SH2B1: variants seen among roughly 807,000 people sequenced by gnomAD.
SH2B1 encodes SH2B adapter protein 1.
A neutral mutation model predicts 62.6 loss-of-function variants in SH2B1; 15 were observed. That is an observed-to-expected ratio of 0.24 (90% CI 0.16 to 0.37). The LOEUF is 0.37. Among genes scored for constraint, SH2B1 ranks in the 10% least tolerant of loss-of-function variants. SH2B1 has a pLI of 1.00. For synonymous variants in SH2B1, 443 were observed against 438.0 expected, an observed-to-expected ratio of 1.01 and a Z score of -0.14; for missense variants, 925 against 1,015.6, an observed-to-expected ratio of 0.91 and a Z score of 1.21.
rs754555896 is a variant in SH2B1 at position 28,868,757 on chromosome 16, C to T, written c.1042-249C>T. Among the ~76,000 whole-genome samples, 5 of 152,000 alleles carry T rather than the reference C, an allele frequency of 3.3e-5. No homozygotes were observed. In the South Asian group the frequency reaches 6.2e-4, roughly 19 times the overall value. ...AGGTGTGAGCCATCGTACCCGGCCT[C>T]GCCTTATTTTATTTTTCAATTTTTT... On this transcript the variant is annotated intron_variant, in intron 2 of 7. Transcript: ENST00000684370.
In SH2B1 at chr16:28,863,980, C is replaced by T. The variant is rs1962544832; in HGVS notation, c.-2115C>T. The T allele has an allele frequency of 7.0e-7, 1 of 1,428,242 alleles. No homozygotes were observed. Among genetic ancestry groups the T allele is most frequent in the African/African-American group, 1.4e-5 (1 of 69,084 alleles). The allele number at this position is 1,428,242 out of a possible 1,614,324, so 88.5% of individuals were successfully genotyped here. A position where few individuals can be genotyped will look rare whatever the true frequency, so the allele number is the denominator to read the frequency against. On this transcript the variant is annotated 5_prime_UTR_variant, in exon 1 of 8. Coordinates refer to ENST00000684370, the MANE Select transcript of SH2B1 (RefSeq NM_001387430.1). ...GAACCGGAACCCCCCTCTTCAAGTA[C>T]CTTTTCCCTCTCCGCGACCCGGCCC...
At position 28,873,722 on chromosome 16, in the gene SH2B1, G is replaced by T; in HGVS notation, c.2173G>T (p.Val725Leu). ...QGAGSGGDAG[V>L]PPMVQLQQSP... Reference sequence around the variant, plus strand: ...CGCTGGGTCTGGTGGGGACGCGGGGGTGCCCCCAATGGTGCAGCTGCAGCA... The same window carrying T: ...CGCTGGGTCTGGTGGGGACGCGGGGTTGCCCCCAATGGTGCAGCTGCAGCA... Residue 725 changes from valine to leucine, a missense_variant, in exon 8 of 8, where the codon GTG becomes TTG. By Grantham distance (32) the Val-to-Leu change is conservative (BLOSUM62 1). Coordinates refer to ENST00000684370, the MANE Select transcript of SH2B1 (RefSeq NM_001387430.1). This position sits in a 1 kb window ranked among gnomAD's most constrained non-coding sequence, Gnocchi z 4.2. 1 of 1,497,212 alleles carries T rather than the reference G, an allele frequency of 6.7e-7. No individual in the cohort carries two copies. Among genetic ancestry groups the T allele is most frequent in the Non-Finnish European group, 8.9e-7 (1 of 1,121,834 alleles). 92.7% of individuals were successfully genotyped at this position (1,497,212 alleles called of 1,614,324 possible). A position where few individuals can be genotyped will look rare whatever the true frequency, so the allele number is the denominator to read the frequency against.
In SH2B1 at chr16:28,866,593, C is replaced by T. The variant is rs763577217; in HGVS notation, c.499C>T (p.Arg167Cys). The T allele has an allele frequency of 1.4e-5, 22 of 1,613,922 alleles. No homozygotes were observed. The highest frequency in any genetic ancestry group is 1.7e-5 in the Non-Finnish European group (20 of 1,180,022). The change falls in exon 1 of 8, where the codon CGT (arginine) becomes TGT (cysteine). Residue 167 changes from arginine to cysteine, a missense_variant. Physicochemically the swap from Arg to Cys is radical, Grantham distance 180. Around this residue, in one of 3 missense-constraint regions of SH2B1, gnomAD observed 683 missense variants for 704.0 expected, o/e 0.97. Coordinates refer to ENST00000684370, the MANE Select transcript of SH2B1 (RefSeq NM_001387430.1). This position sits in a 1 kb window ranked among gnomAD's most constrained non-coding sequence, Gnocchi z 6.3. The stretch of plus-strand genomic sequence containing the variant: ...GGGTCGCTCTGTCCGAGGCTCAGTC[C>T]GTGGCATCCTGCAGTGGCGGGGGAC... ...SVGRSVRGSVRGILQWRGTVD... is the reference protein window; with the variant it reads ...SVGRSVRGSVCGILQWRGTVD...
intron 1 of SH2B1, among the ~76,000 whole-genome samples, chr16:28,847,218 A>T (rs1961994756): frequency 6.6e-6 from 1 of 152,182 alleles, no homozygotes; most frequent in Non-Finnish European, 1.5e-5. Context: ...GTCTCCTTTA[A>T]TCTGTCGGTG....
chr16:28,847,117 G>T (rs1961991225), intron 1 of SH2B1, among the ~76,000 whole-genome samples: 1 of 152,206 alleles, frequency 6.6e-6, no homozygotes, highest in Admixed American at 6.5e-5. Flanking sequence ...CTAAGGAGCA[G>T]TTCCGTTGGG....
At chr16:28,857,741 CTTTTT>C (rs67567805) in intron 1 of SH2B1, among the ~76,000 whole-genome samples, 2 of 135,264 alleles carry the variant, frequency 1.5e-5, no homozygotes, top group African/African-American at 2.8e-5. Flanking sequence ...GTCCGGAGTT[CTTTTT>C]TTTTTTTTTT....
chr16:28,852,629 T>C (rs1188907568), intron 1 of SH2B1, among the ~76,000 whole-genome samples: 3 of 87,318 alleles, frequency 3.4e-5, no homozygotes, highest in African/African-American at 5.2e-5. Flanking sequence ...TATATTTATA[T>C]ATATACACAT....
chr16:28,851,928 A>G (rs1308147447), intron 1 of SH2B1, among the ~76,000 whole-genome samples: 6 of 149,806 alleles, frequency 4.0e-5, no homozygotes, highest in Non-Finnish European at 5.9e-5. Context: ...ATAGTTGGGC[A>G]TGGTGGTGCG....
chr16:28,857,144 G>A (rs756978039), intron 1 of SH2B1, among the ~76,000 whole-genome samples: 1 of 151,974 alleles, frequency 6.6e-6, no homozygotes, highest in Non-Finnish European at 1.5e-5. Context: ...TTAGCTGGAC[G>A]CGGTGATGCA....
At chr16:28,869,175 T>C in intron 3 of SH2B1, 33 bp from the exon 4 acceptor site, 1 of 1,613,840 alleles carries the variant, frequency 6.2e-7, no homozygotes, top group Non-Finnish European at 8.5e-7. Context: ...CCTGGTGACT[T>C]TCCTCCCAGC....
Position 28,864,830 on chromosome 16 carries a change from G to A in SH2B1, c.-1265G>A, listed in dbSNP as rs1962597718. 1 of 283,664 alleles carries A rather than the reference G, an allele frequency of 3.5e-6. No homozygotes were observed. Among genetic ancestry groups the A allele is most frequent in the South Asian group, 1.4e-4 (1 of 7,220 alleles). The allele number at this position is 283,664 out of a possible 1,614,324, so 17.6% of individuals were successfully genotyped here. A position where few individuals can be genotyped will look rare whatever the true frequency, so the allele number is the denominator to read the frequency against. ...GAACAATAATATTCTTCTCCCACAT[G>A]AAGATAGTAACAATGGCAGTCGTTC... is the stretch of plus-strand genomic sequence containing the variant. On this transcript the variant is annotated 5_prime_UTR_variant, in exon 1 of 8. It removes an upstream start codon present in the reference 5' UTR. Transcript: ENST00000684370.
At chr16:28,859,297 T>C (rs1043795319), upstream of SH2B1, among the ~76,000 whole-genome samples, 4 of 152,100 alleles carry the variant, frequency 2.6e-5, no homozygotes, top group African/African-American at 4.8e-5. Flanking sequence ...GTTTATCACA[T>C]AGATAGACAC....
In SH2B1 at chr16:28,868,719, G is replaced by A. The variant is rs1018081580; in HGVS notation, c.1042-287G>A. Among the ~76,000 whole-genome samples, 7 of 152,130 alleles carry A rather than the reference G, an allele frequency of 4.6e-5. 1 individual carries two copies. Among genetic ancestry groups the A allele is most frequent in the Admixed American group, 1.3e-4 (2 of 15,264 alleles). On this transcript the variant is annotated intron_variant, in intron 2 of 7. Transcript: ENST00000684370. ...GATCCACCCTCCTTGGCCTCTCAAA[G>A]TGCTGGGATTACAGGTGTGAGCCAT...
Position 28,863,962 on chromosome 16 carries a change from A to AC in SH2B1, c.-2133_-2132insC. ...GAGATGCAGGTGGGACCGGAACCGGAACCCCCCTCTTCAAGTACCTTTTCC... is the reference window on the plus strand; with the variant it reads ...GAGATGCAGGTGGGACCGGAACCGGACACCCCCCTCTTCAAGTACCTTTTCC... On this transcript the variant is annotated 5_prime_UTR_variant, in exon 1 of 8. The change creates a premature stop within an existing upstream ORF in the 5' untranslated region. Coordinates refer to ENST00000684370, the MANE Select transcript of SH2B1 (RefSeq NM_001387430.1). 3 of 1,447,864 alleles carry AC rather than the reference A, an allele frequency of 2.1e-6. No individual in the cohort carries two copies. The highest frequency in any genetic ancestry group is 1.8e-6 in the Non-Finnish European group (2 of 1,107,350). 89.7% of individuals were successfully genotyped at this position (1,447,864 alleles called of 1,614,324 possible). A position where few individuals can be genotyped will look rare whatever the true frequency, so the allele number is the denominator to read the frequency against.
chr16:28,852,994 A>ATATATATGTACATATATATTT (rs1962220320), intron 1 of SH2B1, among the ~76,000 whole-genome samples: 1 of 38,578 alleles, frequency 2.6e-5, no homozygotes, highest in African/African-American at 1.2e-4. Context: ...TTATATGTAC[A>ATATATATGTACATATATATTT]TATATATGTA....
At chr16:28,863,371 A>C, upstream of SH2B1, 1 of 297,482 alleles carries the variant, frequency 3.4e-6, no homozygotes, top group Non-Finnish European at 6.3e-6. Flanking sequence ...GCCTCCCCGC[A>C]GGGCCTCCCC....
At position 28,872,110 on chromosome 16, in the gene SH2B1, G is replaced by A; in HGVS notation, c.1514-80G>A. ...GCATGTGGGGAGCAGGCGCCTTGAGGGGAAGGCAAGGCTTTTTTCTCCCAG... is the reference window on the plus strand; with the variant it reads ...GCATGTGGGGAGCAGGCGCCTTGAGAGGAAGGCAAGGCTTTTTTCTCCCAG... On this transcript the variant is annotated intron_variant, in intron 5 of 7. Transcript: ENST00000684370. This position sits in a 1 kb window ranked among gnomAD's most constrained non-coding sequence, Gnocchi z 5.3. 1 of 1,450,662 alleles carries A rather than the reference G, an allele frequency of 6.9e-7. No individual in the cohort carries two copies. The highest frequency in any genetic ancestry group is 1.8e-5 in the Admixed American group (1 of 54,512). The allele number at this position is 1,450,662 out of a possible 1,614,324, so 89.9% of individuals were successfully genotyped here.
chr16:28,847,956 G>T lies in SH2B1; in HGVS notation c.-301+1129G>T, dbSNP rs1483751929. 2.0e-5 allele frequency among the ~76,000 whole-genome samples: 3 copies of T among 150,854 alleles called. No individual in the cohort carries two copies. In the East Asian group the frequency reaches 5.9e-4, roughly 30 times the overall value. ...TTCTCCCACCTCAGCCTCCTGAGTAGCTGGGACTACAGGCATGTGCCACCA... is the reference window on the plus strand; with the variant it reads ...TTCTCCCACCTCAGCCTCCTGAGTATCTGGGACTACAGGCATGTGCCACCA... On this transcript the variant is annotated intron_variant, in intron 1 of 10. Transcript: ENST00000322610.
chr16:28,850,774 G>A (rs576145518), intron 1 of SH2B1, among the ~76,000 whole-genome samples: 15 of 145,350 alleles, frequency 1.0e-4, no homozygotes, highest in African/African-American at 2.1e-4. Context: ...CAGGAGAATC[G>A]CTTGAACCCA....
Sources: gnomAD v4.1 joint callset for allele counts (sites outside exome capture counted in the v4.1 genomes callset) on GRCh38, gnomAD v4.1.1 for gene constraint, gnomAD v4.1.1 regional missense constraint, Gnocchi (gnomAD v3.1) non-coding constraint, MANE v1.5 for transcripts, NCBI Gene and HGNC (gene_info 2026-07-23, HGNC 2026-07-21) for gene names.